GALNTL6: variants seen among roughly 807,000 people sequenced by gnomAD.
GALNTL6 encodes polypeptide N-acetylgalactosaminyltransferase-like 6.
Under a neutral mutation model 73.7 loss-of-function variants are expected in GALNTL6, and 46 were observed. The observed-to-expected ratio is 0.62, with a 90% CI of 0.49 to 0.80. The LOEUF (loss-of-function observed/expected upper bound fraction) is 0.80, where lower values mean the gene tolerates loss of function less well. Among genes scored for constraint, GALNTL6 ranks in the 30% least tolerant of loss-of-function variants. The pLI, the probability that GALNTL6 is intolerant of heterozygous loss-of-function variation, is 0.00. For missense variants in GALNTL6, 604 were observed against 755.0 expected (o/e 0.80, Z 2.34); for synonymous variants, 259 against 263.7 (o/e 0.98, Z 0.17).
At chr4:172,363,234 A>C (rs934119147) in intron 5 of GALNTL6, among the ~76,000 whole-genome samples, 8 of 152,040 alleles carry the variant, frequency 5.3e-5, no homozygotes, top group African/African-American at 1.9e-4. Context: ...TCACTATCTG[A>C]AATGTGTCTC....
intron 2 of GALNTL6, among the ~76,000 whole-genome samples, chr4:171,846,172 T>C (rs895358039): frequency 1.1e-4 from 17 of 152,228 alleles, no homozygotes; most frequent in African/African-American, 4.1e-4. Flanking sequence ...ACTGCTGATA[T>C]TGTAGTTGAT....
At chr4:172,955,774 G>T (rs1749714240) in intron 10 of GALNTL6, among the ~76,000 whole-genome samples, 3 of 151,958 alleles carry the variant, frequency 2.0e-5, no homozygotes, top group Admixed American at 1.3e-4. Context: ...TAGGGGTGGG[G>T]CCGTTTTATA....
intron 7 of GALNTL6, among the ~76,000 whole-genome samples, chr4:172,854,265 C>T (rs565526330): frequency 1.4e-4 from 21 of 152,288 alleles, no homozygotes; most frequent in Admixed American, 3.3e-4. Flanking sequence ...TCTCCACACT[C>T]GGTGGGCCTT....
intron 5 of GALNTL6, among the ~76,000 whole-genome samples, chr4:172,787,981 A>G (rs1305125377): frequency 6.6e-6 from 1 of 152,236 alleles, no homozygotes; most frequent in Non-Finnish European, 1.5e-5. Context: ...AAACAGAAAA[A>G]TCCATATTTC....
chr4:172,734,537 A>G (rs1736339313), intron 5 of GALNTL6, among the ~76,000 whole-genome samples: 2 of 152,154 alleles, frequency 1.3e-5, no homozygotes, highest in South Asian at 4.1e-4. Context: ...AAGCTCCAAA[A>G]TAATCTCCTT....
chr4:172,113,181 G>A (rs866254715), intron 2 of GALNTL6, among the ~76,000 whole-genome samples: 5 of 151,986 alleles, frequency 3.3e-5, no homozygotes, highest in African/African-American at 9.6e-5. Flanking sequence ...TTATGAATTA[G>A]CAAGAAAGGT....
intron 11 of GALNTL6, among the ~76,000 whole-genome samples, chr4:173,016,433 T>TG (rs1238189217): frequency 6.6e-6 from 1 of 152,222 alleles, no homozygotes; most frequent in African/African-American, 2.4e-5. Context: ...GGGGCAGAGC[T>TG]GTCCAAGGCC....
intron 2 of GALNTL6, among the ~76,000 whole-genome samples, chr4:172,208,063 G>C (rs970950670): frequency 3.9e-5 from 6 of 152,132 alleles, no homozygotes; most frequent in African/African-American, 1.4e-4. Context: ...CAGTAGAATT[G>C]TGATATTTTA....
chr4:172,253,370 GT>G (rs543275485), intron 3 of GALNTL6, among the ~76,000 whole-genome samples: 43 of 152,000 alleles, frequency 2.8e-4, no homozygotes, highest in African/African-American at 1.0e-3. Flanking sequence ...GGAGAAACCT[GT>G]TTTAAATGTT....
At chr4:172,235,157 GTT>G (rs68036820) in intron 3 of GALNTL6, among the ~76,000 whole-genome samples, 7 of 151,282 alleles carry the variant, frequency 4.6e-5, no homozygotes, top group African/African-American at 1.5e-4. Flanking sequence ...GATATTGTTA[GTT>G]TTTTTTTTCT....
At chr4:172,273,313 G>C (rs1036887422) in intron 3 of GALNTL6, among the ~76,000 whole-genome samples, 1 of 152,006 alleles carries the variant, frequency 6.6e-6, no homozygotes, top group Admixed American at 6.6e-5. Context: ...TTTTCAGTGG[G>C]GGCCATACCA....
intron 5 of GALNTL6, among the ~76,000 whole-genome samples, chr4:172,554,605 T>C (rs1202555230): frequency 1.3e-5 from 2 of 152,204 alleles, no homozygotes; most frequent in South Asian, 2.1e-4. Flanking sequence ...AAGAGTTACT[T>C]TTACTTCTAA....
At chr4:172,152,440 T>C (rs1734119359) in intron 2 of GALNTL6, among the ~76,000 whole-genome samples, 1 of 152,204 alleles carries the variant, frequency 6.6e-6, no homozygotes, top group South Asian at 2.1e-4. Context: ...TCTGTGGTGA[T>C]TGCATAGCTG....
At chr4:172,343,402 A>G (rs559435896) in intron 4 of GALNTL6, among the ~76,000 whole-genome samples, 1 of 152,300 alleles carries the variant, frequency 6.6e-6, no homozygotes, top group South Asian at 2.1e-4. Context: ...TGTAATATAA[A>G]CATTGACATT....
intron 5 of GALNTL6, among the ~76,000 whole-genome samples, chr4:172,539,437 T>C (rs2110868936): frequency 6.6e-6 from 1 of 152,308 alleles, no homozygotes; most frequent in South Asian, 2.1e-4. Context: ...TAATTCTTCC[T>C]GCCAATCTTG....
At chr4:172,429,057 C>T (rs1731333807) in intron 5 of GALNTL6, among the ~76,000 whole-genome samples, 1 of 152,046 alleles carries the variant, frequency 6.6e-6, no homozygotes. Flanking sequence ...TCACTGTCTT[C>T]ACCTAGTGGA....
intron 8 of GALNTL6, among the ~76,000 whole-genome samples, chr4:172,886,493 C>T (rs956643217): frequency 2.0e-5 from 3 of 152,070 alleles, no homozygotes; most frequent in East Asian, 1.9e-4. Flanking sequence ...TGGCTGGACG[C>T]GGTGGCTCAC....
At chr4:172,747,500 C>A (rs1428739303) in intron 5 of GALNTL6, among the ~76,000 whole-genome samples, 1 of 151,642 alleles carries the variant, frequency 6.6e-6, no homozygotes, top group African/African-American at 2.4e-5. Context: ...TGGCTATTAT[C>A]AAAAAGATGA....
intron 2 of GALNTL6, among the ~76,000 whole-genome samples, chr4:172,009,740 C>A (rs186449746): frequency 9.7e-4 from 147 of 152,122 alleles, no homozygotes; most frequent in Non-Finnish European, 2.1e-3. Flanking sequence ...TGGGCAGGCA[C>A]GTATGTGGCT....
Sources: gnomAD v4.1 joint callset for allele counts (sites outside exome capture counted in the v4.1 genomes callset) on GRCh38, gnomAD v4.1.1 for gene constraint, MANE v1.5 for transcripts, NCBI Gene and HGNC (gene_info 2026-07-23, HGNC 2026-07-21) for gene names.